The following LRP1B variants were observed in gnomAD, a reference collection of about 807,000 sequenced individuals.
LRP1B encodes the protein low-density lipoprotein receptor-related protein 1B.
In LRP1B, 217 loss-of-function variants were observed where a neutral mutation model predicts 556.6. That is an observed-to-expected ratio of 0.39 (90% confidence interval 0.35 to 0.44). The LOEUF (loss-of-function observed/expected upper bound fraction) is 0.44. LRP1B is among the 20% of genes least tolerant of loss of function. LRP1B has a pLI of 1.00. For missense variants in LRP1B, 5,053 were observed against 5,620.8 expected (o/e 0.90, Z 3.23); for synonymous variants, 2,047 against 1,865.8 (o/e 1.10, Z -2.50).
At chr2:140,813,323 C>G (rs144999823) in intron 32 of LRP1B, among the ~76,000 whole-genome samples, 2 of 152,158 alleles carry the variant, frequency 1.3e-5, no homozygotes, top group African/African-American at 4.8e-5. Flanking sequence ...CCAGGTTTGA[C>G]TTTATTGTGA....
At chr2:141,309,468 G>T (rs1383372026) in intron 3 of LRP1B, among the ~76,000 whole-genome samples, 1 of 152,188 alleles carries the variant, frequency 6.6e-6, no homozygotes, top group Non-Finnish European at 1.5e-5. Flanking sequence ...AGTGTTAAGA[G>T]GTAAGGCCCT....
At position 140,866,816 on chromosome 2, in the gene LRP1B, G is replaced by C. The variant is rs528763282; in HGVS notation, c.4579+774C>G. Among the ~76,000 whole-genome samples, 3 of 152,154 alleles carry C rather than the reference G, an allele frequency of 2.0e-5. No individual in the cohort carries two copies. The South Asian group carries it at 6.2e-4, about 32-fold the overall frequency. On this transcript the variant is annotated intron_variant, in intron 27 of 90. Coordinates refer to ENST00000389484, the MANE Select transcript of LRP1B (RefSeq NM_018557.3). ...CTATAATACAAATTTTAAAAATAAG[G>C]CTCGATGTGTGGAACAAATGCCCTA...
intron 27 of LRP1B, among the ~76,000 whole-genome samples, chr2:140,860,275 T>C (rs1217787260): frequency 6.6e-6 from 1 of 152,174 alleles, no homozygotes; most frequent in Non-Finnish European, 1.5e-5. Context: ...AGAGTATAAC[T>C]GGTATGATTA....
intron 22 of LRP1B, among the ~76,000 whole-genome samples, chr2:140,903,732 G>A (rs1480037950): frequency 6.6e-6 from 1 of 150,764 alleles, no homozygotes; most frequent in African/African-American, 2.4e-5. Flanking sequence ...TAAGTTAGGT[G>A]AATTATACAT....
chr2:141,849,084 AAC>A (rs1362608187), intron 1 of LRP1B, among the ~76,000 whole-genome samples: 1 of 151,608 alleles, frequency 6.6e-6, no homozygotes, highest in African/African-American at 2.4e-5. Context: ...CAACATGCTA[AAC>A]ACGTATTTGG....
intron 1 of LRP1B, among the ~76,000 whole-genome samples, chr2:141,968,716 T>C (rs1327008533): frequency 2.6e-5 from 4 of 151,774 alleles, no homozygotes; most frequent in African/African-American, 4.8e-5. Context: ...AATTTCCCTT[T>C]CTGTTTTCTG....
chr2:142,108,592 G>A (rs1706844609), intron 1 of LRP1B, among the ~76,000 whole-genome samples: 1 of 152,038 alleles, frequency 6.6e-6, no homozygotes, highest in Admixed American at 6.6e-5. Flanking sequence ...TCCTATATTT[G>A]CTTTCATGTG....
At chr2:141,584,761 G>A (rs1229402157) in intron 2 of LRP1B, among the ~76,000 whole-genome samples, 1 of 152,108 alleles carries the variant, frequency 6.6e-6, no homozygotes, top group Admixed American at 6.5e-5. Context: ...TCTTGAGGAC[G>A]TTATGTTAAG....
chr2:141,873,054 T>C (rs1698640222), intron 1 of LRP1B, among the ~76,000 whole-genome samples: 1 of 152,072 alleles, frequency 6.6e-6, no homozygotes, highest in African/African-American at 2.4e-5. Context: ...GAGTGTTTAT[T>C]GTATTAATTT....
intron 19 of LRP1B, among the ~76,000 whole-genome samples, chr2:140,951,199 G>A (rs1318725204): frequency 2.0e-5 from 3 of 151,896 alleles, no homozygotes; most frequent in African/African-American, 7.3e-5. Flanking sequence ...TCTCCAACAT[G>A]AGAACCCACT....
At chr2:141,822,032 G>C (rs1024082524) in intron 1 of LRP1B, among the ~76,000 whole-genome samples, 2 of 147,606 alleles carry the variant, frequency 1.4e-5, no homozygotes, top group Non-Finnish European at 3.0e-5. Flanking sequence ...CAGTGATATA[G>C]GAAATTACAA....
At chr2:140,951,112 A>G (rs1308215689) in intron 19 of LRP1B, among the ~76,000 whole-genome samples, 1 of 152,146 alleles carries the variant, frequency 6.6e-6, no homozygotes, top group Non-Finnish European at 1.5e-5. Context: ...TTATTGTGGA[A>G]GATTATTACT....
intron 43 of LRP1B, among the ~76,000 whole-genome samples, chr2:140,561,323 A>C (rs968596090): frequency 2.6e-5 from 4 of 152,110 alleles, no homozygotes; most frequent in African/African-American, 9.7e-5. Flanking sequence ...GAATCTGACC[A>C]CACAGGCCTG....
intron 3 of LRP1B, among the ~76,000 whole-genome samples, chr2:141,296,978 T>C (rs899099379): frequency 6.6e-6 from 1 of 152,220 alleles, no homozygotes; most frequent in Non-Finnish European, 1.5e-5. Flanking sequence ...CGTTCCAGCA[T>C]TAATTTCCTT....
chr2:140,628,825 C>T (rs1003977513), intron 41 of LRP1B, among the ~76,000 whole-genome samples: 2 of 151,988 alleles, frequency 1.3e-5, no homozygotes, highest in African/African-American at 2.4e-5. Flanking sequence ...TTGCTGTTCC[C>T]ATGATAATGA....
intron 83 of LRP1B, among the ~76,000 whole-genome samples, chr2:140,298,395 T>G (rs1004960720): frequency 1.3e-5 from 2 of 152,168 alleles, no homozygotes; most frequent in African/African-American, 4.8e-5. Flanking sequence ...TACCAACCAC[T>G]GCTGAATCTA....
At chr2:141,514,131 T>C (rs1212351033) in intron 2 of LRP1B, among the ~76,000 whole-genome samples, 2 of 152,122 alleles carry the variant, frequency 1.3e-5, no homozygotes, top group Admixed American at 6.6e-5. Context: ...TATAACCTAC[T>C]TGACTTGCTC....
chr2:141,091,498 T>C (rs1405592761), intron 7 of LRP1B, among the ~76,000 whole-genome samples: 5 of 152,218 alleles, frequency 3.3e-5, no homozygotes, highest in African/African-American at 1.2e-4. Flanking sequence ...ACAGTGATTT[T>C]CTCCAGGGAC....
chr2:141,776,830 T>C (rs1052938158), intron 2 of LRP1B, among the ~76,000 whole-genome samples: 4 of 152,252 alleles, frequency 2.6e-5, no homozygotes, highest in African/African-American at 9.6e-5. Context: ...TAATCAATGA[T>C]AACTAATAAT....
Sources: gnomAD v4.1 joint callset for allele counts (sites outside exome capture counted in the v4.1 genomes callset) on GRCh38, gnomAD v4.1.1 for gene constraint, MANE v1.5 for transcripts, NCBI Gene and HGNC (gene_info 2026-07-23, HGNC 2026-07-21) for gene names.